Variants in TLN2 observed in about 807,000 individuals in gnomAD.
TLN2 encodes the protein talin 2.
In TLN2, 118 loss-of-function variants were observed where a neutral mutation model predicts 294.7. The ratio of observed to expected loss-of-function variants is 0.40; its 90% CI spans 0.34 to 0.47. The LOEUF (loss-of-function observed/expected upper bound fraction) is 0.47, where lower values mean the gene tolerates loss of function less well. Ranked by LOEUF, TLN2 falls within the 20% of genes least tolerant of loss-of-function variation. The pLI is 0.84. For synonymous variants in TLN2, 1,431 were observed against 1,304.5 expected (o/e 1.10, Z -2.09); for missense variants, 3,083 against 3,282.2 (o/e 0.94, Z 1.48).
chr15:62,583,681 A>G (rs1354298699), intron 1 of TLN2, among the ~76,000 whole-genome samples: 1 of 152,200 alleles, frequency 6.6e-6, no homozygotes, highest in Non-Finnish European at 1.5e-5. Flanking sequence ...TAGTAGTAGT[A>G]TGTTTAAGAA....
intron 3 of TLN2, among the ~76,000 whole-genome samples, chr15:62,623,714 C>G (rs577303541): frequency 1.3e-5 from 2 of 152,310 alleles, no homozygotes; most frequent in East Asian, 1.9e-4. Context: ...TGACCATTAT[C>G]AGGCAGTTTT....
chr15:62,798,117 G>A (rs768043848), intron 48 of TLN2, among the ~76,000 whole-genome samples: 1 of 152,170 alleles, frequency 6.6e-6, no homozygotes, highest in Non-Finnish European at 1.5e-5. Context: ...TAACCATCGA[G>A]TGCCATCGAG....
At chr15:62,805,243 G>T (rs1236527949) in intron 50 of TLN2, among the ~76,000 whole-genome samples, 1 of 151,902 alleles carries the variant, frequency 6.6e-6, no homozygotes. Context: ...AACTGCCAAA[G>T]CACCAGCAGG....
intron 2 of TLN2, among the ~76,000 whole-genome samples, chr15:62,597,851 T>C (rs2046660460): frequency 6.6e-6 from 1 of 152,206 alleles, no homozygotes; most frequent in Non-Finnish European, 1.5e-5. Flanking sequence ...TTAAAATAAT[T>C]TTGTGCGTGA....
intron 3 of TLN2, chr15:62,637,054 A>C (rs1474762706): frequency 6.6e-6 from 1 of 152,244 alleles, no homozygotes; most frequent in Non-Finnish European, 1.5e-5. Flanking sequence ...CAGCCTCAGC[A>C]GGAGCCTGCA....
intron 4 of TLN2, among the ~76,000 whole-genome samples, chr15:62,647,728 T>C (rs543519866): frequency 1.1e-4 from 16 of 152,184 alleles, no homozygotes; most frequent in Non-Finnish European, 1.8e-4. Flanking sequence ...TCATGTATCA[T>C]CTCATTGTCC....
chr15:62,590,939 A>G (rs1363281484), intron 2 of TLN2, among the ~76,000 whole-genome samples: 1 of 151,252 alleles, frequency 6.6e-6, no homozygotes, highest in East Asian at 1.9e-4. Flanking sequence ...CTACTTTAAA[A>G]TTTTGTGGAA....
intron 43 of TLN2, among the ~76,000 whole-genome samples, chr15:62,777,308 G>A (rs571141285): frequency 1.3e-5 from 2 of 152,222 alleles, no homozygotes; most frequent in South Asian, 2.1e-4. Flanking sequence ...AGGCCAAGGC[G>A]GGCGGATCAC....
intron 30 of TLN2, 98 bp from the exon 31 acceptor site, chr15:62,739,250 C>A: frequency 7.5e-7 from 1 of 1,334,230 alleles, no homozygotes; most frequent in Non-Finnish European, 1.0e-6. Flanking sequence ...GACTCAAATG[C>A]ATCTCTGAAG....
intron 1 of TLN2, among the ~76,000 whole-genome samples, chr15:62,567,049 G>T (rs545380064): frequency 1.3e-5 from 2 of 152,314 alleles, no homozygotes; most frequent in South Asian, 4.1e-4. Context: ...AGTCGACATA[G>T]TTACGATCAT....
intron 1 of TLN2, among the ~76,000 whole-genome samples, chr15:62,416,462 G>T (rs1490278350): frequency 6.6e-6 from 1 of 152,158 alleles, no homozygotes; most frequent in African/African-American, 2.4e-5. Flanking sequence ...TTGCAGAAAG[G>T]GAAAGAAATA....
chr15:62,789,440 C>T (rs2064923869), intron 45 of TLN2, among the ~76,000 whole-genome samples: 1 of 152,286 alleles, frequency 6.6e-6, no homozygotes. Context: ...TATACAGGCT[C>T]CCTTGCTATA....
chr15:62,637,208 T>C (rs1475683683), intron 3 of TLN2: 1 of 152,268 alleles, frequency 6.6e-6, no homozygotes, highest in Non-Finnish European at 1.5e-5. Context: ...ATTTTTCTTC[T>C]ATTTTTTTCT....
chr15:62,484,921 C>G (rs1447106349), intron 1 of TLN2, among the ~76,000 whole-genome samples: 7 of 152,170 alleles, frequency 4.6e-5, no homozygotes, highest in African/African-American at 1.7e-4. Flanking sequence ...AATGTATCAT[C>G]TTACAATTCT....
chr15:62,727,010 T>C (rs1458954230), intron 27 of TLN2, 77 bp from the exon 28 acceptor site: 2 of 1,458,724 alleles, frequency 1.4e-6, no homozygotes, highest in East Asian at 4.7e-5. Context: ...ATCTGCATGA[T>C]TTTTCTAAAT....
intron 11 of TLN2, among the ~76,000 whole-genome samples, chr15:62,685,149 G>A (rs955523809): frequency 3.3e-5 from 5 of 151,842 alleles, no homozygotes; most frequent in Admixed American, 3.3e-4. Context: ...TTCATGTAAT[G>A]GACATAGGCC....
At chr15:62,536,064 T>C (rs1454250260) in intron 1 of TLN2, among the ~76,000 whole-genome samples, 1 of 152,234 alleles carries the variant, frequency 6.6e-6, no homozygotes, top group Non-Finnish European at 1.5e-5. Context: ...GTTACTATTA[T>C]TGCTGTTACT....
intron 27 of TLN2, among the ~76,000 whole-genome samples, chr15:62,726,227 C>T (rs1358347174): frequency 6.6e-6 from 1 of 152,160 alleles, no homozygotes; most frequent in African/African-American, 2.4e-5. Context: ...AGAAATTGCT[C>T]TAATAAAGTC....
At position 62,698,735 on chromosome 15, in the gene TLN2, G is replaced by A. The variant is rs746564714; in HGVS notation, c.1474-19G>A. Reference sequence around the variant, plus strand: ...CCCAGGCGTGTGGGATGACAGCTTTGTTTCATTTGCCTTTGCAGACCTCAG... The same window carrying A: ...CCCAGGCGTGTGGGATGACAGCTTTATTTCATTTGCCTTTGCAGACCTCAG... On this transcript the variant is annotated intron_variant, in intron 15 of 58. Coordinates refer to ENST00000636159, the MANE Select transcript of TLN2 (RefSeq NM_015059.3). The A allele has an allele frequency of 1.4e-5, 22 of 1,602,074 alleles. No individual in the cohort carries two copies. Among genetic ancestry groups the A allele is most frequent in the Non-Finnish European group, 1.7e-5 (20 of 1,175,942 alleles).
Sources: allele counts gnomAD v4.1 joint callset (sites outside exome capture counted in the v4.1 genomes callset), GRCh38; gene constraint gnomAD v4.1.1; transcripts MANE v1.5; gene names NCBI Gene and HGNC (gene_info 2026-07-23, HGNC 2026-07-21).